MBD5: variants seen among roughly 807,000 people sequenced by gnomAD.
MBD5 encodes methyl-CpG binding domain protein 5, also known as methyl-CpG-binding domain protein 5.
Under a neutral mutation model 117.3 loss-of-function variants are expected in MBD5, and 13 were observed. The ratio of observed to expected loss-of-function variants is 0.11; its 90% CI spans 0.07 to 0.18. The LOEUF is 0.18. Ranked by LOEUF, MBD5 falls within the 10% of genes least tolerant of loss-of-function variation. The pLI, the probability that MBD5 is intolerant of heterozygous loss-of-function variation, is 1.00. For missense variants in MBD5, 1,879 were observed against 2,093.8 expected (o/e 0.90, Z 2.00); for synonymous variants, 727 against 766.4 (o/e 0.95, Z 0.85).
intron 2 of MBD5, among the ~76,000 whole-genome samples, chr2:148,233,037 A>C (rs1700026229): frequency 6.6e-6 from 1 of 152,180 alleles, no homozygotes; most frequent in Non-Finnish European, 1.5e-5. Context: ...TGTACTGTAA[A>C]GTGGATTGAA....
At chr2:148,487,835 G>A (rs1426745180) in intron 10 of MBD5, among the ~76,000 whole-genome samples, 3 of 152,086 alleles carry the variant, frequency 2.0e-5, no homozygotes, top group South Asian at 2.1e-4. Flanking sequence ...ATAACATCAT[G>A]GTGTTAACTT....
chr2:148,407,956 G>T (rs955680692), intron 4 of MBD5, among the ~76,000 whole-genome samples: 1 of 152,112 alleles, frequency 6.6e-6, no homozygotes, highest in South Asian at 2.1e-4. Flanking sequence ...CCATGAGCTA[G>T]AATTAATATA....
In MBD5 at chr2:148,021,569, TC is replaced by T; in HGVS notation, c.-1036del. 1 of 533,096 alleles carries T rather than the reference TC, an allele frequency of 1.9e-6. No individual in the cohort carries two copies. Among genetic ancestry groups the T allele is most frequent in the Non-Finnish European group, 3.6e-6 (1 of 275,876 alleles). The allele number at this position is 533,096 out of a possible 1,614,324, so 33.0% of individuals were successfully genotyped here. A position where few individuals can be genotyped will look rare whatever the true frequency, so the allele number is the denominator to read the frequency against. ...CTCACTACACCCAGGAGCAGCCACT[TC>T]CCCAGCTCTCCTCCTCCTCCTTCGC... is the stretch of plus-strand genomic sequence containing the variant. On this transcript the variant is annotated 5_prime_UTR_variant, in exon 1 of 14. Coordinates refer to ENST00000642680, the MANE Select transcript of MBD5 (RefSeq NM_001378120.1).
Position 148,513,946 on chromosome 2 carries a change from A to G in MBD5, c.*1005A>G, listed in dbSNP as rs1335562735. 1.3e-5 allele frequency: 2 copies of G among 152,210 alleles called. No individual in the cohort carries two copies. Among genetic ancestry groups the G allele is most frequent in the African/African-American group, 4.8e-5 (2 of 41,450 alleles). The allele number at this position is 152,210 out of a possible 1,614,324, so 9.4% of individuals were successfully genotyped here. ...ATGGAGGCAAAAACCCCACTTTGCA[A>G]CCATTATCAGAGGTAAGATTGATAA... On this transcript the variant is annotated 3_prime_UTR_variant, in exon 14 of 14. Transcript: ENST00000642680.
intron 3 of MBD5, among the ~76,000 whole-genome samples, chr2:148,312,317 G>T (rs1162236981): frequency 6.6e-6 from 1 of 152,114 alleles, no homozygotes; most frequent in African/African-American, 2.4e-5. Flanking sequence ...TTTTCACATA[G>T]TCCCATATTT....
At chr2:148,118,325 A>G (rs1574032832) in intron 1 of MBD5, among the ~76,000 whole-genome samples, 2 of 152,160 alleles carry the variant, frequency 1.3e-5, no homozygotes, top group African/African-American at 4.8e-5. Context: ...AAGAATAACT[A>G]TTAGCCTGGC....
At chr2:148,308,605 G>A (rs2106516475) in intron 3 of MBD5, among the ~76,000 whole-genome samples, 1 of 149,914 alleles carries the variant, frequency 6.7e-6, no homozygotes, top group South Asian at 2.1e-4. Flanking sequence ...TCTGTAGGTG[G>A]GCTGTTCACT....
chr2:148,357,261 G>A (rs186587838), intron 4 of MBD5, among the ~76,000 whole-genome samples: 4 of 152,206 alleles, frequency 2.6e-5, no homozygotes, highest in Admixed American at 2.0e-4. Flanking sequence ...TTATAGAAAA[G>A]GCACACCTTT....
At chr2:148,439,691 T>C (rs1395213251) in intron 4 of MBD5, among the ~76,000 whole-genome samples, 3 of 151,698 alleles carry the variant, frequency 2.0e-5, no homozygotes, top group Non-Finnish European at 2.9e-5. Flanking sequence ...ACATTGTTGA[T>C]GAGGATAATT....
At chr2:148,152,904 C>G (rs1454663220) in intron 1 of MBD5, among the ~76,000 whole-genome samples, 1 of 151,978 alleles carries the variant, frequency 6.6e-6, no homozygotes, top group African/African-American at 2.4e-5. Flanking sequence ...ATTTGCCAGT[C>G]TCTGTCTTTT....
intron 3 of MBD5, among the ~76,000 whole-genome samples, chr2:148,305,409 A>G (rs1404107577): frequency 6.6e-6 from 1 of 152,198 alleles, no homozygotes; most frequent in African/African-American, 2.4e-5. Flanking sequence ...TGGCATTTCT[A>G]TGAAACAGAA....
chr2:148,202,209 ATAATT>A (rs1325808472), intron 2 of MBD5, among the ~76,000 whole-genome samples: 1 of 152,256 alleles, frequency 6.6e-6, no homozygotes, highest in Non-Finnish European at 1.5e-5. Flanking sequence ...ATTACATAAT[ATAATT>A]TCAAAATATG....
intron 1 of MBD5, among the ~76,000 whole-genome samples, chr2:148,136,649 A>G (rs1697178412): frequency 1.3e-5 from 2 of 152,124 alleles, no homozygotes; most frequent in Non-Finnish European, 2.9e-5. Context: ...CTTGGCTAAC[A>G]TGTGAAGTTT....
intron 2 of MBD5, chr2:148,219,860 G>A (rs140676846): frequency 6.6e-6 from 1 of 152,234 alleles, no homozygotes; most frequent in East Asian, 1.9e-4. Flanking sequence ...CAACCTCTAG[G>A]ATAGTCAAAT....
intron 3 of MBD5, chr2:148,243,770 C>A (rs1160688034): frequency 7.2e-5 from 11 of 151,728 alleles, no homozygotes; most frequent in Non-Finnish European, 1.5e-4. Flanking sequence ...TTCGGGGACC[C>A]AAGAAGATGA....
At position 148,021,297 on chromosome 2, in the gene MBD5, G is replaced by T; in HGVS notation, c.-1312G>T. 2.6e-6 allele frequency: 1 copy of T among 382,502 alleles called. No individual in the cohort carries two copies. The highest frequency in any genetic ancestry group is 3.3e-5 in the Admixed American group (1 of 30,102). 23.7% of individuals were successfully genotyped at this position (382,502 alleles called of 1,614,324 possible). ...GCCCTGAGAGGGGGATTGAGCCTGA[G>T]AGAGGAGAAGGAGTTTCTTCTTCTT... On this transcript the variant is annotated 5_prime_UTR_variant, in exon 1 of 14. Transcript: ENST00000642680.
At chr2:148,458,019 A>G (rs953674702) in intron 4 of MBD5, among the ~76,000 whole-genome samples, 184 bp from the exon 5 acceptor site, 4 of 152,160 alleles carry the variant, frequency 2.6e-5, no homozygotes, top group Admixed American at 1.3e-4. Context: ...CAAGTAGATT[A>G]GTTTAATTGG....
intron 3 of MBD5, among the ~76,000 whole-genome samples, chr2:148,288,441 A>C (rs1701419616): frequency 6.7e-6 from 1 of 149,506 alleles, no homozygotes; most frequent in Admixed American, 6.7e-5. Context: ...AATAAGATGG[A>C]AATTCATTCA....
chr2:148,226,081 C>T (rs181152658), intron 2 of MBD5, among the ~76,000 whole-genome samples: 11 of 151,896 alleles, frequency 7.2e-5, no homozygotes, highest in Non-Finnish European at 1.6e-4. Context: ...AGGCCAATAA[C>T]TCGTAGATTT....
Sources: allele counts gnomAD v4.1 joint callset (sites outside exome capture counted in the v4.1 genomes callset), GRCh38; gene constraint gnomAD v4.1.1; transcripts MANE v1.5; gene names NCBI Gene and HGNC (gene_info 2026-07-23, HGNC 2026-07-21).